Variants in HINT3 observed in about 807,000 individuals in gnomAD.
HINT3 encodes histidine triad nucleotide binding protein 3.
Under a neutral mutation model 19.1 loss-of-function variants are expected in HINT3, and 16 were observed. The observed-to-expected ratio is 0.84, with a 90% CI of 0.57 to 1.27. The LOEUF is 1.27. HINT3 is among the 50% of genes most tolerant of loss of function. The pLI is 0.00. For missense variants in HINT3, 197 were observed against 225.8 expected, an observed-to-expected ratio of 0.87 and a Z score of 0.82; for synonymous variants, 75 against 84.8, an observed-to-expected ratio of 0.88 and a Z score of 0.63.
intron 1 of HINT3, among the ~76,000 whole-genome samples, chr6:125,964,219 T>C (rs1433197736): frequency 6.6e-6 from 1 of 152,262 alleles, no homozygotes; most frequent in Non-Finnish European, 1.5e-5. Context: ...ATGATTATGC[T>C]ACCAACATGA....
In HINT3 at chr6:125,975,279, C is replaced by T. The variant is rs929565638; in HGVS notation, c.516+306C>T. 3.9e-5 allele frequency among the ~76,000 whole-genome samples: 6 copies of T among 152,226 alleles called. No homozygotes were observed. In the South Asian group the frequency reaches 8.3e-4, roughly 21 times the overall value. The stretch of plus-strand genomic sequence containing the variant: ...CTGGATTCAAATTCTGGCTGCAGTG[C>T]TTGCTTGAGGGTCCATGTGAAAGTT... On this transcript the variant is annotated intron_variant, in intron 4 of 4. Coordinates refer to ENST00000229633, the MANE Select transcript of HINT3 (RefSeq NM_138571.5).
At chr6:125,957,798 A>G (rs1326483161) in intron 1 of HINT3, among the ~76,000 whole-genome samples, 1 of 152,190 alleles carries the variant, frequency 6.6e-6, no homozygotes, top group East Asian at 1.9e-4. Flanking sequence ...TAAACGGATA[A>G]TCTGGCACAC....
At chr6:125,961,318 C>G (rs537055581) in intron 1 of HINT3, among the ~76,000 whole-genome samples, 21 of 152,158 alleles carry the variant, frequency 1.4e-4, no homozygotes, top group African/African-American at 4.6e-4. Flanking sequence ...GGTTTTCCCC[C>G]ACACACCAAG....
chr6:125,977,227 C>T (rs560447722), intron 4 of HINT3, among the ~76,000 whole-genome samples: 6 of 152,254 alleles, frequency 3.9e-5, no homozygotes, highest in Admixed American at 6.5e-5. Context: ...TCCCTCTTTC[C>T]CCTCTAACTC....
chr6:125,965,760 G>A (rs1789009021), intron 1 of HINT3, among the ~76,000 whole-genome samples: 1 of 151,930 alleles, frequency 6.6e-6, no homozygotes, highest in South Asian at 2.1e-4. Context: ...TGAAAGAAAG[G>A]AAAAAAGGAA....
chr6:125,967,401 G>A (rs1416779571), intron 2 of HINT3, among the ~76,000 whole-genome samples: 3 of 144,756 alleles, frequency 2.1e-5, no homozygotes, highest in Non-Finnish European at 3.0e-5. Flanking sequence ...GTGCAATCTC[G>A]GCTCACTGCG....
intron 1 of HINT3, among the ~76,000 whole-genome samples, chr6:125,962,187 CACATATATATATATATATATAT>C (rs1562212013): frequency 0.025 from 1,463 of 58,962 alleles, 149 homozygotes; most frequent in African/African-American, 0.091. Flanking sequence ...TATATATATA[CACATATATATATATATATATAT>C]ACACATATAT....
chr6:125,959,317 G>A (rs1788885481), intron 1 of HINT3, among the ~76,000 whole-genome samples: 1 of 152,164 alleles, frequency 6.6e-6, no homozygotes, highest in African/African-American at 2.4e-5. Context: ...GACAGACAGA[G>A]GAAGAGGACC....
chr6:125,963,522 G>T (rs553702916), intron 1 of HINT3, among the ~76,000 whole-genome samples: 1 of 152,260 alleles, frequency 6.6e-6, no homozygotes, highest in African/African-American at 2.4e-5. Flanking sequence ...ACAGTTATTC[G>T]TTGTATTTAA....
intron 1 of HINT3, among the ~76,000 whole-genome samples, chr6:125,962,505 C>T (rs1035238775): frequency 2.0e-5 from 3 of 151,494 alleles, no homozygotes; most frequent in African/African-American, 4.9e-5. Flanking sequence ...TAACATAATT[C>T]GATGGTTTAC....
Position 125,956,890 on chromosome 6 carries a change from T to G in HINT3, c.-88T>G. ...TCAGGCGAGGGGCGACGTCTCGAGG[T>G]AAAACGGAGGAGGTGCGGGACGCGG... On this transcript the variant is annotated 5_prime_UTR_variant, in exon 1 of 5. Transcript: ENST00000229633. 1 of 1,345,922 alleles carries G rather than the reference T, an allele frequency of 7.4e-7. No homozygotes were observed. The highest frequency in any genetic ancestry group is 1.0e-6 in the Non-Finnish European group (1 of 986,014). 83.4% of individuals were successfully genotyped at this position (1,345,922 alleles called of 1,614,324 possible).
At chr6:125,962,247 TATACACAC>T (rs1372239899) in intron 1 of HINT3, among the ~76,000 whole-genome samples, 15 of 28,922 alleles carry the variant, frequency 5.2e-4, no homozygotes, top group East Asian at 6.5e-3. Context: ...CATATATATA[TATACACAC>T]ATATATATAT....
intron 1 of HINT3, among the ~76,000 whole-genome samples, chr6:125,960,528 G>C (rs1469430214): frequency 6.6e-6 from 1 of 152,008 alleles, no homozygotes; most frequent in African/African-American, 2.4e-5. Context: ...GTGGTGGCAG[G>C]CACCTGTAAT....
chr6:125,966,143 A>G, intron 1 of HINT3, among the ~76,000 whole-genome samples: 1 of 152,338 alleles, frequency 6.6e-6, no homozygotes, highest in Non-Finnish European at 1.5e-5. Context: ...GATATTTAAT[A>G]TGGTTATTTA....
intron 3 of HINT3, among the ~76,000 whole-genome samples, chr6:125,973,325 C>G (rs1051787740): frequency 6.6e-6 from 1 of 151,948 alleles, no homozygotes; most frequent in African/African-American, 2.4e-5. Flanking sequence ...GTGATCCGCC[C>G]GCCTTGGCCT....
intron 1 of HINT3, among the ~76,000 whole-genome samples, chr6:125,960,730 G>A (rs912583832): frequency 7.9e-5 from 12 of 151,698 alleles, no homozygotes; most frequent in Admixed American, 7.2e-4. Flanking sequence ...ATGCTGAATA[G>A]GAGAAGGAAG....
At chr6:125,968,303 C>T (rs1789046762) in intron 2 of HINT3, among the ~76,000 whole-genome samples, 2 of 152,172 alleles carry the variant, frequency 1.3e-5, no homozygotes, top group East Asian at 1.9e-4. Flanking sequence ...TTAGAATAAT[C>T]GCCACCAGCT....
chr6:125,979,325 A>G lies in HINT3; in HGVS notation c.*1649A>G, dbSNP rs1392447656. The G allele has an allele frequency of 1.3e-5, 2 of 152,210 alleles. No homozygotes were observed. Among genetic ancestry groups the G allele is most frequent in the Non-Finnish European group, 2.9e-5 (2 of 68,022 alleles). 9.4% of individuals were successfully genotyped at this position (152,210 alleles called of 1,614,324 possible). The stretch of plus-strand genomic sequence containing the variant: ...TATAGTTCACTGAGCACTTACATAG[A>G]TTAACAGTTACAAGTTTCCATAAAT... On this transcript the variant is annotated 3_prime_UTR_variant, in exon 5 of 5. Transcript: ENST00000229633.
At chr6:125,965,581 G>A (rs995497865) in intron 1 of HINT3, among the ~76,000 whole-genome samples, 1 of 151,878 alleles carries the variant, frequency 6.6e-6, no homozygotes, top group Non-Finnish European at 1.5e-5. Flanking sequence ...GATAACATAG[G>A]GAGACTCCAT....
Sources: gnomAD v4.1 joint callset for allele counts (sites outside exome capture counted in the v4.1 genomes callset) on GRCh38, gnomAD v4.1.1 for gene constraint, MANE v1.5 for transcripts, NCBI Gene and HGNC (gene_info 2026-07-23, HGNC 2026-07-21) for gene names.